The following CUBN variants were observed in gnomAD, a reference collection of about 807,000 sequenced individuals.
The protein encoded by CUBN is cubilin, also known as 460 kDa receptor.
Under a neutral mutation model 405.3 loss-of-function variants are expected in CUBN, and 282 were observed. That is an observed-to-expected ratio of 0.70 (90% CI 0.63 to 0.77). CUBN has a LOEUF of 0.77. Among genes scored for constraint, CUBN ranks in the 30% least tolerant of loss-of-function variants. CUBN has a pLI of 0.00. For synonymous variants in CUBN, 1,684 were observed against 1,617.0 expected (o/e 1.04, Z -0.99); for missense variants, 4,514 against 4,475.2 (o/e 1.01, Z -0.25).
intron 50 of CUBN, among the ~76,000 whole-genome samples, chr10:16,905,613 C>A (rs1000615471): frequency 2.0e-5 from 3 of 152,126 alleles, no homozygotes; most frequent in Non-Finnish European, 4.4e-5. Flanking sequence ...ACTCTCGCTT[C>A]GGCAAAAGTC....
chr10:16,855,224 G>A (rs12357159), intron 59 of CUBN, among the ~76,000 whole-genome samples: 6,322 of 151,410 alleles, frequency 0.042, 193 homozygotes, highest in Non-Finnish European at 0.065. Context: ...GGGATTACAG[G>A]TGCATGCCAC....
At chr10:16,825,621 G>T (rs1442312280) in intron 66 of CUBN, among the ~76,000 whole-genome samples, 2 of 141,726 alleles carry the variant, frequency 1.4e-5, no homozygotes, top group South Asian at 4.6e-4. Context: ...ATATACTTCT[G>T]TGGAACAGTG....
intron 64 of CUBN, among the ~76,000 whole-genome samples, chr10:16,834,553 C>A (rs190253365): frequency 6.6e-6 from 1 of 152,198 alleles, no homozygotes; most frequent in Non-Finnish European, 1.5e-5. Flanking sequence ...AGGATGTTGA[C>A]GATGCCCCAA....
chr10:17,047,635 A>G, intron 22 of CUBN, 32 bp from the exon 23 acceptor site: 1 of 1,571,996 alleles, frequency 6.4e-7, no homozygotes, highest in Non-Finnish European at 8.8e-7. Flanking sequence ...AAGAGAGAAA[A>G]TAGAAAATAT....
chr10:16,882,054 T>C (rs1041040006), intron 56 of CUBN, among the ~76,000 whole-genome samples: 1 of 152,206 alleles, frequency 6.6e-6, no homozygotes, highest in South Asian at 2.1e-4. Flanking sequence ...ACTCTCATAA[T>C]TGGGGTGACT....
intron 41 of CUBN, among the ~76,000 whole-genome samples, chr10:16,926,241 G>A (rs1216288723): frequency 1.3e-4 from 20 of 152,278 alleles, no homozygotes; most frequent in African/African-American, 7.2e-5. Flanking sequence ...AAACATTCCA[G>A]TTCAGAAAAC....
chr10:16,928,784 G>C (rs984099450), intron 40 of CUBN, among the ~76,000 whole-genome samples: 2 of 151,918 alleles, frequency 1.3e-5, no homozygotes, highest in Non-Finnish European at 2.9e-5. Flanking sequence ...GCCCTCCTCA[G>C]CCTCCCAAAG....
At chr10:17,003,898 T>C (rs921660086) in intron 28 of CUBN, among the ~76,000 whole-genome samples, 3 of 152,334 alleles carry the variant, frequency 2.0e-5, no homozygotes, top group African/African-American at 7.2e-5. Flanking sequence ...ATCTCCTCCC[T>C]TGACATTTCC....
At chr10:16,949,219 A>T (rs562091364) in intron 34 of CUBN, among the ~76,000 whole-genome samples, 1 of 152,314 alleles carries the variant, frequency 6.6e-6, no homozygotes, top group East Asian at 1.9e-4. Context: ...TCCTTGGTCA[A>T]ATGCTTACTA....
At chr10:16,893,608 A>G (rs997262648) in intron 54 of CUBN, among the ~76,000 whole-genome samples, 1 of 152,174 alleles carries the variant, frequency 6.6e-6, no homozygotes, top group Non-Finnish European at 1.5e-5. Flanking sequence ...TATTATATAA[A>G]TGGAACAGCA....
intron 40 of CUBN, among the ~76,000 whole-genome samples, chr10:16,932,654 G>T (rs1010245660): frequency 6.6e-6 from 1 of 152,048 alleles, no homozygotes; most frequent in African/African-American, 2.4e-5. Context: ...TGGAACTCTT[G>T]GACTCAAGTG....
intron 59 of CUBN, among the ~76,000 whole-genome samples, chr10:16,860,580 A>G (rs1839985702): frequency 6.6e-6 from 1 of 152,242 alleles, no homozygotes; most frequent in East Asian, 1.9e-4. Context: ...TAAAGGCATC[A>G]AATTCTCCAG....
intron 58 of CUBN, among the ~76,000 whole-genome samples, chr10:16,870,736 A>AATC (rs1840325738): frequency 6.6e-6 from 1 of 152,182 alleles, no homozygotes; most frequent in Non-Finnish European, 1.5e-5. Context: ...TGCTCATTAC[A>AATC]ATGAGAAATC....
intron 48 of CUBN, among the ~76,000 whole-genome samples, chr10:16,909,127 C>T (rs1419736880): frequency 6.6e-6 from 1 of 151,808 alleles, no homozygotes; most frequent in African/African-American, 2.4e-5. Flanking sequence ...CCTCATGATC[C>T]ACCCGCCTCG....
intron 27 of CUBN, among the ~76,000 whole-genome samples, chr10:17,024,925 T>C (rs1194421275): frequency 1.3e-5 from 2 of 152,216 alleles, no homozygotes; most frequent in East Asian, 1.9e-4. Flanking sequence ...GAAGGTCTTC[T>C]GGAAGAAAAT....
In CUBN at chr10:17,026,631, CA is replaced by C. The variant is rs35071026; in HGVS notation, c.4018-6649del. Among the ~76,000 whole-genome samples, 707 of 134,158 alleles carry C rather than the reference CA, an allele frequency of 5.3e-3. 7 individuals are homozygous for C. The highest frequency in any genetic ancestry group is 0.016 in the African/African-American group (581 of 35,642). The allele number at this position is 134,158 out of a possible 152,430, so 88.0% of individuals were successfully genotyped here. On this transcript the variant is annotated intron_variant, in intron 27 of 66. Coordinates refer to ENST00000377833, the MANE Select transcript of CUBN (RefSeq NM_001081.4). ...CCTGGGAAACAGAGCAAGATTCTCT[CA>C]AAAAAAAAAATAAATAAATAAATAA...
chr10:17,101,094 A>C (rs896743401), intron 13 of CUBN, among the ~76,000 whole-genome samples: 5 of 152,186 alleles, frequency 3.3e-5, no homozygotes, highest in Non-Finnish European at 5.9e-5. Context: ...AAAGAATATA[A>C]GGAATTTTTT....
chr10:16,909,985 C>A (rs1218898151), intron 48 of CUBN, among the ~76,000 whole-genome samples: 1 of 152,160 alleles, frequency 6.6e-6, no homozygotes, highest in African/African-American at 2.4e-5. Context: ...GGAAGCAGTG[C>A]AATGAAAGTT....
At chr10:16,887,329 T>C (rs1305727723) in intron 56 of CUBN, among the ~76,000 whole-genome samples, 1 of 152,264 alleles carries the variant, frequency 6.6e-6, no homozygotes, top group East Asian at 1.9e-4. Flanking sequence ...GTTAAAGTTC[T>C]GTCACTATTT....
Sources: allele counts gnomAD v4.1 joint callset (sites outside exome capture counted in the v4.1 genomes callset), GRCh38; gene constraint gnomAD v4.1.1; transcripts MANE v1.5; gene names NCBI Gene and HGNC (gene_info 2026-07-23, HGNC 2026-07-21).